Variants in SLC38A11 observed in about 807,000 individuals in gnomAD.
The protein encoded by SLC38A11 is solute carrier family 38 member 11, also known as putative sodium-coupled neutral amino acid transporter 11.
SLC38A11 carries 51 observed loss-of-function variants against 49.4 expected under a neutral mutation model. That is an observed-to-expected ratio of 1.03 (90% CI 0.83 to 1.30). The LOEUF (loss-of-function observed/expected upper bound fraction) is 1.30. SLC38A11 is among the 50% of genes most tolerant of loss of function. The probability of loss-of-function intolerance (pLI) is 0.00; values close to 1 mark genes in which losing one functional copy is unlikely to be tolerated. For synonymous variants in SLC38A11, 203 were observed against 192.9 expected, an observed-to-expected ratio of 1.05 and a Z score of -0.43; for missense variants, 574 against 556.2, an observed-to-expected ratio of 1.03 and a Z score of -0.32.
At chr2:164,923,914 T>C (rs1686389253) in intron 7 of SLC38A11, among the ~76,000 whole-genome samples, 1 of 152,124 alleles carries the variant, frequency 6.6e-6, no homozygotes, top group African/African-American at 2.4e-5. Context: ...TGGAGATATT[T>C]CAAATAAATT....
At chr2:164,937,277 T>C in intron 7 of SLC38A11, 73 bp downstream of exon 7, 1 of 976,402 alleles carries the variant, frequency 1.0e-6, no homozygotes, top group Non-Finnish European at 1.6e-6. Flanking sequence ...TTTATATTTC[T>C]GCATTTATGC....
chr2:164,954,720 A>G lies in SLC38A11; in HGVS notation c.65T>C (p.Leu22Pro), dbSNP rs1308281917. 6.5e-7 allele frequency: 1 copy of G among 1,532,824 alleles called. No homozygotes were observed. The highest frequency in any genetic ancestry group is 2.0e-5 in the Admixed American group (1 of 49,650). 95.0% of individuals were successfully genotyped at this position (1,532,824 alleles called of 1,614,324 possible). ...PQRDLDDRET[L>P]VSEHEYKEKT... ...CTCTTTATACTCATGTTCAGAAACA[A>G]GGGTTTCTCTGTCATCTAAATCTCT... is the stretch of plus-strand genomic sequence containing the variant. Residue 22 changes from leucine to proline, a missense_variant, in exon 2 of 12, where the codon CTT becomes CCT. By Grantham distance (98) the Leu-to-Pro change is moderately conservative. Coordinates refer to ENST00000685975, the MANE Select transcript of SLC38A11 (RefSeq NM_001351537.2).
Position 164,949,404 on chromosome 2 carries a change from C to T in SLC38A11, c.229+3303G>A, listed in dbSNP as rs182770519. 1.7e-3 allele frequency among the ~76,000 whole-genome samples: 257 copies of T among 152,102 alleles called. 4 individuals carry two copies. In the East Asian group the frequency reaches 0.042, roughly 25 times the overall value. ...TCCTGAGTAGCTGAGACTACAGACA[C>T]AAGCCACCACATCCAGTTAATTTTT... On this transcript the variant is annotated intron_variant, in intron 3 of 11. Coordinates refer to ENST00000685975, the MANE Select transcript of SLC38A11 (RefSeq NM_001351537.2).
chr2:164,910,031 G>A (rs1685290082), intron 10 of SLC38A11, among the ~76,000 whole-genome samples: 1 of 152,086 alleles, frequency 6.6e-6, no homozygotes, highest in African/African-American at 2.4e-5. Flanking sequence ...TTTGTTAAGG[G>A]TAGACAGCCT....
At chr2:164,911,152 A>C (rs1685371621) in intron 10 of SLC38A11, among the ~76,000 whole-genome samples, 1 of 152,068 alleles carries the variant, frequency 6.6e-6, no homozygotes, top group African/African-American at 2.4e-5. Context: ...ATGGAATATA[A>C]GATATTTTAG....
At chr2:164,919,588 T>C (rs1473459467) in intron 7 of SLC38A11, among the ~76,000 whole-genome samples, 3 of 152,154 alleles carry the variant, frequency 2.0e-5, no homozygotes, top group African/African-American at 7.2e-5. Context: ...GGACCCTCCA[T>C]TGGATATCAA....
chr2:164,919,323 C>A (rs1314495766), intron 7 of SLC38A11, among the ~76,000 whole-genome samples: 1 of 151,744 alleles, frequency 6.6e-6, no homozygotes, highest in African/African-American at 2.4e-5. Flanking sequence ...GAGTACGACC[C>A]TGCCTCAAAA....
At chr2:164,939,390 A>C in intron 6 of SLC38A11, 60 bp downstream of exon 6, 1 of 1,147,888 alleles carries the variant, frequency 8.7e-7, no homozygotes, top group Non-Finnish European at 1.3e-6. Context: ...TGCCAAGTAG[A>C]CAGTAGATTA....
intron 9 of SLC38A11, among the ~76,000 whole-genome samples, chr2:164,913,095 T>C (rs1212563087): frequency 6.6e-6 from 1 of 152,016 alleles, no homozygotes; most frequent in Non-Finnish European, 1.5e-5. Context: ...TCTGTACTGT[T>C]TTTTTCATTA....
chr2:164,942,275 C>A (rs62175633), intron 5 of SLC38A11, among the ~76,000 whole-genome samples: 1 of 151,024 alleles, frequency 6.6e-6, no homozygotes, highest in Non-Finnish European at 1.5e-5. Flanking sequence ...ATAGCAAAAC[C>A]CCATCTCTAC....
chr2:164,948,594 C>T (rs1688298356), intron 3 of SLC38A11, among the ~76,000 whole-genome samples: 2 of 152,122 alleles, frequency 1.3e-5, no homozygotes. Context: ...CAGACCTTGC[C>T]TAAGTCATTT....
intron 7 of SLC38A11, among the ~76,000 whole-genome samples, chr2:164,926,907 A>G: frequency 6.6e-6 from 1 of 150,982 alleles, no homozygotes; most frequent in Admixed American, 6.6e-5. Flanking sequence ...AGATATACCT[A>G]ATGTAAATGA....
chr2:164,953,921 A>G (rs986317000), intron 2 of SLC38A11, among the ~76,000 whole-genome samples: 1 of 152,116 alleles, frequency 6.6e-6, no homozygotes, highest in Non-Finnish European at 1.5e-5. Flanking sequence ...AGCTGCTTTT[A>G]TTACTATAAT....
chr2:164,931,594 A>T (rs1294957706), intron 7 of SLC38A11, among the ~76,000 whole-genome samples: 1 of 152,210 alleles, frequency 6.6e-6, no homozygotes, highest in Non-Finnish European at 1.5e-5. Flanking sequence ...AATGGAACAG[A>T]ATAAAAAGCC....
intron 7 of SLC38A11, among the ~76,000 whole-genome samples, chr2:164,935,100 T>G (rs1687268854): frequency 6.6e-6 from 1 of 152,154 alleles, no homozygotes; most frequent in Non-Finnish European, 1.5e-5. Flanking sequence ...AAGCACCCGT[T>G]ACTTTGGCAC....
intron 5 of SLC38A11, among the ~76,000 whole-genome samples, chr2:164,942,946 C>T (rs1197400681): frequency 5.3e-5 from 8 of 152,176 alleles, no homozygotes; most frequent in Admixed American, 1.3e-4. Flanking sequence ...GCTGGTCATT[C>T]GTGAGTCTGT....
intron 9 of SLC38A11, chr2:164,912,008 G>A (rs1573901344): frequency 4.4e-6 from 1 of 228,304 alleles, no homozygotes; most frequent in East Asian, 9.5e-5. Flanking sequence ...ATAGCATATA[G>A]CCTAGGTGTG....
At chr2:164,949,804 G>A (rs979037101) in intron 3 of SLC38A11, 1 of 152,204 alleles carries the variant, frequency 6.6e-6, no homozygotes, top group Admixed American at 6.5e-5. Flanking sequence ...GGCTGAGAAC[G>A]TCTGCATGTG....
At chr2:164,901,186 C>T (rs549990277) in intron 11 of SLC38A11, among the ~76,000 whole-genome samples, 4 of 152,056 alleles carry the variant, frequency 2.6e-5, no homozygotes, top group East Asian at 1.9e-4. Context: ...AGTATCATAC[C>T]GTTTTGATTA....
Sources: gnomAD v4.1 joint callset for allele counts (sites outside exome capture counted in the v4.1 genomes callset) on GRCh38, gnomAD v4.1.1 for gene constraint, MANE v1.5 for transcripts, NCBI Gene and HGNC (gene_info 2026-07-23, HGNC 2026-07-21) for gene names.